The following NRXN3 variants were observed in gnomAD, a reference collection of about 807,000 sequenced individuals.
NRXN3 encodes neurexin III.
Under a neutral mutation model 137.6 loss-of-function variants are expected in NRXN3, and 32 were observed. The observed-to-expected ratio is 0.23, with a 90% CI of 0.18 to 0.31. NRXN3 has a LOEUF of 0.31. Ranked by LOEUF, NRXN3 falls within the 10% of genes least tolerant of loss-of-function variation. The probability of loss-of-function intolerance (pLI) is 1.00; values close to 1 mark genes in which losing one functional copy is unlikely to be tolerated. For missense variants in NRXN3, 1,574 were observed against 2,062.5 expected (o/e 0.76, Z 4.59); for synonymous variants, 798 against 784.5 (o/e 1.02, Z -0.29).
intron 4 of NRXN3, among the ~76,000 whole-genome samples, chr14:78,339,234 A>G (rs1216038218): frequency 6.6e-6 from 1 of 152,262 alleles, no homozygotes; most frequent in Non-Finnish European, 1.5e-5. Flanking sequence ...TTTTAAATAT[A>G]TTTTCGCATG....
intron 16 of NRXN3, among the ~76,000 whole-genome samples, chr14:79,540,250 A>G (rs2097259243): frequency 1.2e-5 from 1 of 85,244 alleles, no homozygotes; most frequent in African/African-American, 6.8e-5. Flanking sequence ...TGCATTTATT[A>G]TGTGCTGGGT....
intron 15 of NRXN3, among the ~76,000 whole-genome samples, chr14:79,067,006 G>A (rs2099681607): frequency 6.6e-6 from 1 of 151,972 alleles, no homozygotes; most frequent in African/African-American, 2.4e-5. Flanking sequence ...ATACTATGTT[G>A]AATAAGAGTG....
intron 4 of NRXN3, among the ~76,000 whole-genome samples, chr14:78,482,874 T>TTAC (rs2095496618): frequency 6.6e-6 from 1 of 152,154 alleles, no homozygotes; most frequent in South Asian, 2.1e-4. Flanking sequence ...TTTGCATTGG[T>TTAC]TACTAGTCAA....
At chr14:78,771,225 CT>C (rs1204164427) in intron 8 of NRXN3, among the ~76,000 whole-genome samples, 3 of 152,270 alleles carry the variant, frequency 2.0e-5, no homozygotes, top group African/African-American at 7.2e-5. Flanking sequence ...TGTGAGACAG[CT>C]ATTGGGAGGT....
In NRXN3 at chr14:78,756,304, G is replaced by A. The variant is rs555790288; in HGVS notation, c.2044+41165G>A. ...AGAGTTTGAGACTAGCCTGGTAAAC[G>A]TGGCAAAACCCTATCTCTACTAAAG... On this transcript the variant is annotated intron_variant, in intron 8 of 20. Coordinates refer to ENST00000335750, the MANE Select transcript of NRXN3 (RefSeq NM_001330195.2). 9.9e-5 allele frequency among the ~76,000 whole-genome samples: 15 copies of A among 152,138 alleles called. No individual in the cohort carries two copies. In the East Asian group the frequency reaches 1.2e-3, roughly 12 times the overall value.
At chr14:78,954,737 T>A (rs1326439368) in intron 10 of NRXN3, among the ~76,000 whole-genome samples, 1 of 151,556 alleles carries the variant, frequency 6.6e-6, no homozygotes, top group African/African-American at 2.4e-5. Context: ...AGTTCTGGGA[T>A]TACAGGCGTG....
intron 16 of NRXN3, among the ~76,000 whole-genome samples, chr14:79,649,721 A>G (rs1033734225): frequency 6.6e-6 from 1 of 152,154 alleles, no homozygotes; most frequent in Non-Finnish European, 1.5e-5. Context: ...TTTTCCTTCT[A>G]TAGACTGAAT....
At chr14:79,387,203 T>C (rs1204242240) in intron 15 of NRXN3, among the ~76,000 whole-genome samples, 6 of 152,042 alleles carry the variant, frequency 3.9e-5, no homozygotes, top group African/African-American at 1.4e-4. Flanking sequence ...AATCTACTCA[T>C]CTGACAAAGG....
intron 4 of NRXN3, among the ~76,000 whole-genome samples, chr14:78,442,554 A>G (rs2094294265): frequency 6.6e-6 from 1 of 152,214 alleles, no homozygotes. Flanking sequence ...GCAATTTGTT[A>G]CAGTAGCCCT....
chr14:79,615,509 T>C (rs1037913648), intron 16 of NRXN3, among the ~76,000 whole-genome samples: 4 of 152,182 alleles, frequency 2.6e-5, no homozygotes, highest in African/African-American at 7.2e-5. Context: ...ATTAGTCCAT[T>C]TTCACATTGC....
intron 15 of NRXN3, among the ~76,000 whole-genome samples, chr14:79,021,400 G>A (rs1468928215): frequency 6.6e-6 from 1 of 152,156 alleles, no homozygotes; most frequent in East Asian, 1.9e-4. Flanking sequence ...CCTTTGCAGT[G>A]AAGGGAGAGG....
chr14:78,817,093 A>G (rs2098936024), intron 10 of NRXN3, among the ~76,000 whole-genome samples: 1 of 152,178 alleles, frequency 6.6e-6, no homozygotes, highest in African/African-American at 2.4e-5. Context: ...TATCTCCTAC[A>G]TTATTATTGA....
At chr14:78,322,571 ACT>A (rs2079522642) in intron 4 of NRXN3, among the ~76,000 whole-genome samples, 1 of 151,628 alleles carries the variant, frequency 6.6e-6, no homozygotes, top group African/African-American at 2.4e-5. Context: ...TCCATGTGTC[ACT>A]CTCCCAATGA....
At chr14:78,891,341 C>G (rs1031627444) in intron 10 of NRXN3, among the ~76,000 whole-genome samples, 5 of 152,062 alleles carry the variant, frequency 3.3e-5, no homozygotes, top group East Asian at 1.9e-4. Flanking sequence ...AGGTCATGCT[C>G]TAGTAGTGAG....
At chr14:79,579,367 T>TATATAA (rs1567561063) in intron 16 of NRXN3, among the ~76,000 whole-genome samples, 88 of 142,304 alleles carry the variant, frequency 6.2e-4, no homozygotes, top group African/African-American at 2.2e-3. Context: ...TATATATATA[T>TATATAA]AATATATATA....
chr14:78,478,306 A>G (rs1336018515), intron 4 of NRXN3, among the ~76,000 whole-genome samples: 1 of 152,170 alleles, frequency 6.6e-6, no homozygotes, highest in African/African-American at 2.4e-5. Flanking sequence ...TAGTTATGAG[A>G]ATCAAGAGAA....
rs112970439 is a variant in NRXN3 at position 78,781,795 on chromosome 14, G to T, written c.2045-21825G>T. On this transcript the variant is annotated intron_variant, in intron 8 of 20. Transcript: ENST00000335750. ...ATCTCTTCTTCCCTGCTAAAATCAG[G>T]CCAGAGATTGGCATTTGCCTTCCTG... Among the ~76,000 whole-genome samples the T allele has an allele frequency of 5.6e-3, 856 of 152,282 alleles. 7 individuals are homozygous for T. Among genetic ancestry groups the T allele is most frequent in the East Asian group, 0.032 (167 of 5,188 alleles).
At chr14:79,410,737 A>G (rs1002301890) in intron 15 of NRXN3, among the ~76,000 whole-genome samples, 1 of 152,096 alleles carries the variant, frequency 6.6e-6, no homozygotes, top group African/African-American at 2.4e-5. Context: ...ACTGTTCAAG[A>G]TGCTCATTAA....
At chr14:78,649,023 G>T (rs141070979) in intron 5 of NRXN3, among the ~76,000 whole-genome samples, 97 of 152,266 alleles carry the variant, frequency 6.4e-4, no homozygotes, top group Admixed American at 1.2e-3. Flanking sequence ...TCCTTTTCTG[G>T]CTGTGCCCCA....
Sources: gnomAD v4.1 joint callset for allele counts (sites outside exome capture counted in the v4.1 genomes callset) on GRCh38, gnomAD v4.1.1 for gene constraint, MANE v1.5 for transcripts, NCBI Gene and HGNC (gene_info 2026-07-23, HGNC 2026-07-21) for gene names.